The following MYO16 variants were observed in gnomAD, a reference collection of about 807,000 sequenced individuals.
MYO16 encodes myosin XVI.
In MYO16, 94 loss-of-function variants were observed where a neutral mutation model predicts 205.3. That is an observed-to-expected ratio of 0.46 (90% CI 0.39 to 0.54). MYO16 has a LOEUF of 0.54. Among genes scored for constraint, MYO16 ranks in the 20% least tolerant of loss-of-function variants. The pLI is 0.00. For synonymous variants in MYO16, 988 were observed against 954.0 expected (o/e 1.04, Z -0.66); for missense variants, 2,315 against 2,387.5 (o/e 0.97, Z 0.63).
chr13:109,050,897 G>A (rs1269638419), intron 24 of MYO16, among the ~76,000 whole-genome samples: 1 of 150,478 alleles, frequency 6.6e-6, no homozygotes, highest in Non-Finnish European at 1.5e-5. Context: ...CTTACATTCT[G>A]GCCTTCCAAA....
intron 20 of MYO16, among the ~76,000 whole-genome samples, chr13:108,967,496 A>T (rs1336658723): frequency 6.6e-6 from 1 of 152,190 alleles, no homozygotes. Flanking sequence ...TCCAGTCTAC[A>T]AGTAATGTGT....
intron 4 of MYO16, among the ~76,000 whole-genome samples, chr13:108,760,446 A>G (rs1045036748): frequency 1.3e-5 from 2 of 151,174 alleles, no homozygotes; most frequent in African/African-American, 4.9e-5. Context: ...TTCTTGGCTG[A>G]CAGTAAATCC....
At chr13:108,752,836 T>G (rs1336751639) in intron 4 of MYO16, among the ~76,000 whole-genome samples, 1 of 139,232 alleles carries the variant, frequency 7.2e-6, no homozygotes, top group Non-Finnish European at 1.5e-5. Context: ...TTTTTTTTAG[T>G]AGAGACAGTG....
intron 21 of MYO16, among the ~76,000 whole-genome samples, chr13:109,001,930 C>CTG (rs1491008279): frequency 9.9e-5 from 15 of 151,514 alleles, no homozygotes; most frequent in Non-Finnish European, 1.6e-4. Flanking sequence ...CTCTCTCTCT[C>CTG]TGTGTGTCTG....
chr13:109,002,530 A>G (rs1229067658), intron 21 of MYO16, among the ~76,000 whole-genome samples: 1 of 152,198 alleles, frequency 6.6e-6, no homozygotes, highest in East Asian at 1.9e-4. Context: ...AGCAAATACT[A>G]TCTAAGCAGC....
chr13:109,041,910 G>A (rs954222333), intron 23 of MYO16, among the ~76,000 whole-genome samples: 1 of 150,620 alleles, frequency 6.6e-6, no homozygotes, highest in African/African-American at 2.4e-5. Flanking sequence ...TGCCCAGGCT[G>A]GAGTGCAGTG....
chr13:108,506,337 C>T, the MYO16 span, among the ~76,000 whole-genome samples: 1 of 152,098 alleles, frequency 6.6e-6, no homozygotes, highest in African/African-American at 2.4e-5. Flanking sequence ...AAATTTCTTT[C>T]AGCAATGTTT....
At chr13:108,839,518 CAT>C (rs1422543538) in intron 9 of MYO16, among the ~76,000 whole-genome samples, 2 of 152,118 alleles carry the variant, frequency 1.3e-5, no homozygotes, top group Non-Finnish European at 2.9e-5. Flanking sequence ...GACTGCAAGG[CAT>C]ATGTAGATAG....
intron 15 of MYO16, among the ~76,000 whole-genome samples, chr13:108,903,182 A>G (rs1880790664): frequency 1.3e-5 from 2 of 152,210 alleles, no homozygotes; most frequent in Non-Finnish European, 2.9e-5. Context: ...AAGAAAACAA[A>G]TTGTATGCTG....
At chr13:108,749,295 T>A (rs2139631236) in intron 4 of MYO16, among the ~76,000 whole-genome samples, 1 of 152,338 alleles carries the variant, frequency 6.6e-6, no homozygotes. Context: ...TTTTGTCCTT[T>A]GACCAACATC....
In MYO16 at chr13:109,141,340, A is replaced by G. The variant is rs760995174; in HGVS notation, c.5128A>G (p.Lys1710Glu). ...CAACTCGGGGAGGAGTGTGCTTCGGAAATCCGCGGCGGGAAGAAAAATCAG... is the reference window on the plus strand; with the variant it reads ...CAACTCGGGGAGGAGTGTGCTTCGGGAATCCGCGGCGGGAAGAAAAATCAG... ...LFNSGRSVLRKSAAGRKIREA... is the reference protein window; with the variant it reads ...LFNSGRSVLRESAAGRKIREA... The change falls in exon 32 of 35, where the codon AAA (lysine) becomes GAA (glutamate). Residue 1710 changes from lysine to glutamate, a missense_variant. Lys to Glu is a moderately conservative substitution (Grantham distance 56). This residue lies in a region of MYO16 where 1,097 missense variants were observed against 1,092.0 expected (regional missense o/e 1.00). Transcript: ENST00000457511. The surrounding 1 kb of genome is among the most constrained non-coding windows in gnomAD (Gnocchi z 4.1). 1.9e-6 allele frequency: 3 copies of G among 1,557,508 alleles called. No individual in the cohort carries two copies. The highest frequency in any genetic ancestry group is 2.6e-6 in the Non-Finnish European group (3 of 1,156,200).
chr13:108,603,470 G>A (rs1293302102), intron 1 of MYO16, among the ~76,000 whole-genome samples: 1 of 152,062 alleles, frequency 6.6e-6, no homozygotes, highest in Non-Finnish European at 1.5e-5. Context: ...TATGATTTTA[G>A]ATGTTGAATC....
chr13:109,148,806 G>A (rs1375817306), intron 32 of MYO16, among the ~76,000 whole-genome samples: 1 of 152,198 alleles, frequency 6.6e-6, no homozygotes, highest in African/African-American at 2.4e-5. Context: ...GAGAATCTGA[G>A]GGCCTTGCAA....
chr13:108,968,076 C>T (rs1034715610), intron 20 of MYO16, among the ~76,000 whole-genome samples: 6 of 152,158 alleles, frequency 3.9e-5, no homozygotes, highest in Admixed American at 6.5e-5. Flanking sequence ...TCTCCAGTAA[C>T]GCAAGCACAG....
rs149750373 is a variant in MYO16 at position 108,896,150 on chromosome 13, A to G, written c.1660-1866A>G. ...CTGTAATGTCCTTTTTCCAAGAATA[A>G]TCAAAACATTACTTATCAGACACAA... On this transcript the variant is annotated intron_variant, in intron 14 of 34. Transcript: ENST00000457511. Among the ~76,000 whole-genome samples, 327 of 152,318 alleles carry G rather than the reference A, an allele frequency of 2.1e-3. 3 individuals carry two copies. Among genetic ancestry groups the G allele is most frequent in the African/African-American group, 7.2e-3 (300 of 41,574 alleles).
At chr13:109,193,274 T>C (rs1183439619) in intron 34 of MYO16, among the ~76,000 whole-genome samples, 1 of 152,190 alleles carries the variant, frequency 6.6e-6, no homozygotes, top group African/African-American at 2.4e-5. Context: ...CCCTGAGAAA[T>C]AGAAATATTT....
chr13:108,571,196 C>G, the MYO16 span, among the ~76,000 whole-genome samples: 1 of 151,040 alleles, frequency 6.6e-6, no homozygotes, highest in African/African-American at 2.4e-5. Context: ...TCTCTGTGAA[C>G]TGTGGAAACC....
chr13:108,865,672 TTA>T (rs1169544501), intron 11 of MYO16, among the ~76,000 whole-genome samples: 2 of 152,092 alleles, frequency 1.3e-5, no homozygotes, highest in Non-Finnish European at 2.9e-5. Context: ...ATCTATCATT[TTA>T]TTATTTTTAT....
At chr13:108,761,395 T>A (rs72668510) in intron 4 of MYO16, among the ~76,000 whole-genome samples, 1 of 152,062 alleles carries the variant, frequency 6.6e-6, no homozygotes, top group Non-Finnish European at 1.5e-5. Context: ...CTTACAAAGA[T>A]GGTGTGCCAT....
Sources: gnomAD v4.1 joint callset for allele counts (sites outside exome capture counted in the v4.1 genomes callset) on GRCh38, gnomAD v4.1.1 for gene constraint, gnomAD v4.1.1 regional missense constraint, Gnocchi (gnomAD v3.1) non-coding constraint, MANE v1.5 for transcripts, NCBI Gene and HGNC (gene_info 2026-07-23, HGNC 2026-07-21) for gene names.